The following IGSF10 variants were observed in gnomAD, a reference collection of about 807,000 sequenced individuals.
The protein encoded by IGSF10 is immunoglobulin superfamily member 10, also known as calvaria mechanical force protein 608.
A neutral mutation model predicts 128.2 loss-of-function variants in IGSF10; 126 were observed. That is an observed-to-expected ratio of 0.98 (90% CI 0.85 to 1.14). The LOEUF (loss-of-function observed/expected upper bound fraction) is 1.14, where lower values mean the gene tolerates loss of function less well. Ranked by LOEUF, IGSF10 falls within the 50% of genes most tolerant of loss-of-function variation. The probability of loss-of-function intolerance (pLI) is 0.00; values close to 1 mark genes in which losing one functional copy is unlikely to be tolerated. For missense variants in IGSF10, 3,295 were observed against 3,149.8 expected (o/e 1.05, Z -1.10); for synonymous variants, 1,185 against 1,146.2 (o/e 1.03, Z -0.68).
At chr3:151,592,173 T>C in the IGSF10 span, among the ~76,000 whole-genome samples, 1 of 151,872 alleles carries the variant, frequency 6.6e-6, no homozygotes, top group Non-Finnish European at 1.5e-5. Flanking sequence ...CTCAGTTTCC[T>C]TACCTATTAA....
chr3:151,432,942 A>C (rs76213153), downstream of IGSF10: 8 of 17,284 alleles, frequency 4.6e-4, no homozygotes, highest in Non-Finnish European at 1.3e-3. Flanking sequence ...TACATCTCAC[A>C]AAAAAAAAAA....
chr3:151,476,379 GGCTGAGGCCTAA>G, the IGSF10 span, among the ~76,000 whole-genome samples: 1 of 151,986 alleles, frequency 6.6e-6, no homozygotes, highest in Admixed American at 6.5e-5. Context: ...GGTGTAGGTG[GGCTGAGGCCTAA>G]TAGGCCTCTG....
Position 151,446,830 on chromosome 3 carries a change from T to G in IGSF10, c.3151A>C (p.Thr1051Pro), listed in dbSNP as rs922558965. 9.3e-6 allele frequency: 15 copies of G among 1,614,178 alleles called. No homozygotes were observed. The highest frequency in any genetic ancestry group is 1.3e-5 in the Non-Finnish European group (15 of 1,180,028). Residue 1051 changes from threonine to proline, a missense_variant, in exon 6 of 8, where the codon ACT becomes CCT. Coordinates refer to ENST00000282466, the MANE Select transcript of IGSF10 (RefSeq NM_178822.5). Reference sequence around the variant, plus strand: ...AGCACTGTGGCTGAGAATGCAGTAGTGCTTTTTTCAGAAGAACCTCTGGTT... The same window carrying G: ...AGCACTGTGGCTGAGAATGCAGTAGGGCTTTTTTCAGAAGAACCTCTGGTT... ...STTRGSSEKS[T>P]TAFSATVLNV...
chr3:151,461,381 C>T (rs1722055192), upstream of IGSF10: 1 of 985,086 alleles, frequency 1.0e-6, no homozygotes. Flanking sequence ...TCCTGTGGCT[C>T]CCAAAGTTCT....
the IGSF10 span, among the ~76,000 whole-genome samples, chr3:151,614,399 T>C: frequency 2.0e-5 from 3 of 152,312 alleles, no homozygotes; most frequent in South Asian, 6.2e-4. Flanking sequence ...CTATTCACAC[T>C]AGCAAAGACT....
the IGSF10 span, among the ~76,000 whole-genome samples, chr3:151,481,815 T>C: frequency 6.6e-6 from 1 of 152,122 alleles, no homozygotes; most frequent in African/African-American, 2.4e-5. Flanking sequence ...GAGGAACTCT[T>C]AGCAAATCTG....
At chr3:151,457,204 A>G (rs1335758995) in intron 3 of IGSF10, 49 bp from the exon 4 acceptor site, 2 of 1,583,856 alleles carry the variant, frequency 1.3e-6, no homozygotes, top group Admixed American at 3.4e-5. Context: ...TGTCAACTAA[A>G]GTTCAAATGT....
chr3:151,568,723 C>G, the IGSF10 span, among the ~76,000 whole-genome samples: 1 of 152,050 alleles, frequency 6.6e-6, no homozygotes, highest in Non-Finnish European at 1.5e-5. Context: ...TGTATCCTAG[C>G]AATTTTGACT....
the IGSF10 span, among the ~76,000 whole-genome samples, chr3:151,577,693 G>C: frequency 6.6e-6 from 1 of 151,854 alleles, no homozygotes; most frequent in East Asian, 1.9e-4. Context: ...ATACAGAATC[G>C]TAACTCTTTC....
At chr3:151,554,367 T>A in the IGSF10 span, among the ~76,000 whole-genome samples, 2 of 152,154 alleles carry the variant, frequency 1.3e-5, no homozygotes, top group African/African-American at 4.8e-5. Flanking sequence ...TCAGCCTGTT[T>A]TTTTTTCCTT....
the IGSF10 span, among the ~76,000 whole-genome samples, chr3:151,572,541 G>T: frequency 1.3e-5 from 2 of 152,112 alleles, no homozygotes; most frequent in African/African-American, 4.8e-5. Flanking sequence ...ATGATAGTTT[G>T]TATTTCTGTG....
At chr3:151,453,813 G>A in intron 4 of IGSF10, 39 bp from the exon 5 acceptor site, 1 of 1,300,638 alleles carries the variant, frequency 7.7e-7, no homozygotes, top group Non-Finnish European at 1.1e-6. Context: ...TGTTGTCAAA[G>A]GAATTTTCAC....
chr3:151,525,205 T>G, the IGSF10 span, among the ~76,000 whole-genome samples: 1 of 151,924 alleles, frequency 6.6e-6, no homozygotes, highest in Non-Finnish European at 1.5e-5. Flanking sequence ...ATAATCATCT[T>G]TAACACAAAA....
the IGSF10 span, among the ~76,000 whole-genome samples, chr3:151,578,179 A>T: frequency 2.6e-5 from 4 of 152,176 alleles, no homozygotes; most frequent in South Asian, 2.1e-4. Flanking sequence ...TTTCTAAATT[A>T]AAAAAATGAA....
the IGSF10 span, among the ~76,000 whole-genome samples, chr3:151,469,746 C>G: frequency 6.6e-6 from 1 of 152,142 alleles, no homozygotes; most frequent in African/African-American, 2.4e-5. Flanking sequence ...AAATCTGAAG[C>G]AATTCAAGAG....
chr3:151,565,247 G>A, the IGSF10 span, among the ~76,000 whole-genome samples: 644 of 152,264 alleles, frequency 4.2e-3, 1 homozygote, highest in African/African-American at 0.014. Flanking sequence ...CTTCACTGGG[G>A]TTTGGCAAAT....
At chr3:151,572,092 C>A in the IGSF10 span, among the ~76,000 whole-genome samples, 3 of 152,246 alleles carry the variant, frequency 2.0e-5, 1 homozygote, top group South Asian at 2.1e-4. Flanking sequence ...GGTGGATAAG[C>A]CTTTTGATGT....
At chr3:151,548,911 A>T in the IGSF10 span, among the ~76,000 whole-genome samples, 182 of 151,830 alleles carry the variant, frequency 1.2e-3, 2 homozygotes, top group Middle Eastern at 0.014. Context: ...CATAGTTTTA[A>T]TTTTCAACAC....
the IGSF10 span, among the ~76,000 whole-genome samples, chr3:151,493,768 T>C: frequency 0.48 from 72,899 of 151,950 alleles, 17,879 homozygotes; most frequent in South Asian, 0.57. Context: ...TGACTGTATA[T>C]GTATCCCATA....
Sources: allele counts gnomAD v4.1 joint callset (sites outside exome capture counted in the v4.1 genomes callset), GRCh38; gene constraint gnomAD v4.1.1; transcripts MANE v1.5; gene names NCBI Gene and HGNC (gene_info 2026-07-23, HGNC 2026-07-21).